Variants in ERLIN2 observed in about 807,000 individuals in gnomAD.
ERLIN2 encodes ER lipid raft associated 2.
In ERLIN2, 22 loss-of-function variants were observed where a neutral mutation model predicts 41.5. The ratio of observed to expected loss-of-function variants is 0.53; its 90% CI spans 0.38 to 0.76. The LOEUF (loss-of-function observed/expected upper bound fraction) is 0.76, where lower values mean the gene tolerates loss of function less well. ERLIN2 is among the 30% of genes least tolerant of loss of function. The pLI is 0.00. For missense variants in ERLIN2, 247 were observed against 414.3 expected (o/e 0.60, Z 3.51); for synonymous variants, 149 against 150.9 (o/e 0.99, Z 0.09).
Position 37,743,860 on chromosome 8 carries a change from T to C in ERLIN2, c.237-495T>C, listed in dbSNP as rs1485561672. ...TCAGTGTTGAATTCAGGTATCTGGATATGGATGTTAGTTATACTACTCTTT... is the reference window on the plus strand; with the variant it reads ...TCAGTGTTGAATTCAGGTATCTGGACATGGATGTTAGTTATACTACTCTTT... On this transcript the variant is annotated intron_variant, in intron 4 of 11. Coordinates refer to ENST00000519638, the MANE Select transcript of ERLIN2 (RefSeq NM_007175.8). 2.6e-5 allele frequency among the ~76,000 whole-genome samples: 4 copies of C among 152,172 alleles called. 1 individual carries two copies.
chr8:37,740,079 G>A (rs529212156), intron 2 of ERLIN2, among the ~76,000 whole-genome samples: 90 of 152,192 alleles, frequency 5.9e-4, no homozygotes, highest in Admixed American at 3.9e-3. Context: ...CCCGCAAAGC[G>A]CTGGGACTGC....
At chr8:37,746,628 G>GT (rs1164479025) in intron 6 of ERLIN2, 56 of 684,530 alleles carry the variant, frequency 8.2e-5, no homozygotes, top group Non-Finnish European at 9.7e-5. Flanking sequence ...AGCAATACTA[G>GT]CTGCCCGACT....
Position 37,741,818 on chromosome 8 carries a change from G to C in ERLIN2, c.236G>C (p.Ser79Thr). 6.2e-7 allele frequency: 1 copy of C among 1,611,554 alleles called. No individual in the cohort carries two copies. The highest frequency in any genetic ancestry group is 1.7e-5 in the Admixed American group (1 of 60,028). ...DEVKNVPCGT[S>T]GGVMIYFDRI... The stretch of plus-strand genomic sequence containing the variant: ...GTGAAGAATGTACCTTGTGGGACTA[G>C]GTAAGGTACCCAGAATAAAGCTTTT... The change falls in exon 4 of 12, where the codon AGT (serine) becomes ACT (threonine). Residue 79 changes from serine (S) to threonine (T), a missense_variant and splice_region_variant. By Grantham distance (58) the Ser-to-Thr change is moderately conservative. Transcript: ENST00000519638. The surrounding 1 kb of genome is among the most constrained non-coding windows in gnomAD (Gnocchi z 4.8).
intron 6 of ERLIN2, 84 bp from the exon 7 acceptor site, chr8:37,749,475 T>G: frequency 1.1e-6 from 1 of 910,440 alleles, no homozygotes; most frequent in Non-Finnish European, 1.8e-6. Flanking sequence ...GAGCTGGTGA[T>G]TGAGCTTGCA....
chr8:37,751,871 A>G (rs1803225793), intron 10 of ERLIN2, among the ~76,000 whole-genome samples, 156 bp downstream of exon 10: 1 of 152,164 alleles, frequency 6.6e-6, no homozygotes, highest in Non-Finnish European at 1.5e-5. Context: ...TTGAGTTTTG[A>G]GGCTATTGTG....
chr8:37,753,214 TC>T (rs1179840473), intron 10 of ERLIN2, among the ~76,000 whole-genome samples: 1 of 152,236 alleles, frequency 6.6e-6, no homozygotes, highest in Non-Finnish European at 1.5e-5. Flanking sequence ...GCTGTCCTTG[TC>T]ATAGGGAGAT....
chr8:37,744,469 C>T, intron 5 of ERLIN2, 53 bp downstream of exon 5: 1 of 1,608,302 alleles, frequency 6.2e-7, no homozygotes, highest in South Asian at 1.1e-5. Context: ...CAGCATGCCA[C>T]TCCCGTGTCT....
At chr8:37,743,095 C>T (rs900672065) in intron 4 of ERLIN2, among the ~76,000 whole-genome samples, 23 of 152,154 alleles carry the variant, frequency 1.5e-4, no homozygotes, top group Admixed American at 1.4e-3. Context: ...CCCACAAGAT[C>T]GCAGGCCTGA....
chr8:37,757,473 T>G lies in ERLIN2; in HGVS notation c.*3358T>G, dbSNP rs1271638094. 1 of 152,222 alleles carries G rather than the reference T, an allele frequency of 6.6e-6. No individual in the cohort carries two copies. Among genetic ancestry groups the G allele is most frequent in the Admixed American group, 6.5e-5 (1 of 15,284 alleles). The allele number at this position is 152,222 out of a possible 1,614,324, so 9.4% of individuals were successfully genotyped here. A position where few individuals can be genotyped will look rare whatever the true frequency, so the allele number is the denominator to read the frequency against. On this transcript the variant is annotated 3_prime_UTR_variant, in exon 12 of 12. Transcript: ENST00000519638. ...TTAAGTAGGCAAACTACTTCTACTT[T>G]CAAAGAGCCCCAAGGGCTTAATGAC...
At chr8:37,753,565 T>C in intron 11 of ERLIN2, 36 bp downstream of exon 11, 1 of 1,590,994 alleles carries the variant, frequency 6.3e-7, no homozygotes, top group Non-Finnish European at 8.6e-7. Context: ...AAAGGAGTCT[T>C]TGGGTCTGGG....
intron 6 of ERLIN2, chr8:37,746,369 G>A: frequency 1.0e-6 from 1 of 985,156 alleles, no homozygotes; most frequent in Non-Finnish European, 1.2e-6. Flanking sequence ...ACCTCTTTGT[G>A]TGTACTTAGT....
rs775831501 is a variant in ERLIN2 at position 37,740,316 on chromosome 8, A to T, written c.108-49A>T. The T allele has an allele frequency of 4.6e-6, 6 of 1,310,706 alleles. No individual in the cohort carries two copies. In the Admixed American group the frequency reaches 1.0e-4, roughly 22 times the overall value. The allele number at this position is 1,310,706 out of a possible 1,614,324, so 81.2% of individuals were successfully genotyped here. On this transcript the variant is annotated intron_variant, in intron 2 of 11. Coordinates refer to ENST00000519638, the MANE Select transcript of ERLIN2 (RefSeq NM_007175.8). ...GACCCTCATGATATTGATCTAACAG[A>T]GCCTTCTTGCCAAACTGAAGCTGCC... is the stretch of plus-strand genomic sequence containing the variant.
chr8:37,742,200 G>C (rs1304580669), intron 4 of ERLIN2, among the ~76,000 whole-genome samples: 4 of 152,074 alleles, frequency 2.6e-5, no homozygotes, highest in Non-Finnish European at 2.9e-5. Flanking sequence ...AATTAGCTGG[G>C]TGTGGTGGTG....
chr8:37,743,028 A>G (rs1802909620), intron 4 of ERLIN2, among the ~76,000 whole-genome samples: 1 of 152,212 alleles, frequency 6.6e-6, no homozygotes, highest in Admixed American at 6.5e-5. Flanking sequence ...TTAAACTGGG[A>G]TAGAGTGACA....
At chr8:37,743,928 G>C (rs1585905856) in intron 4 of ERLIN2, among the ~76,000 whole-genome samples, 7 of 152,064 alleles carry the variant, frequency 4.6e-5, no homozygotes, top group Admixed American at 4.6e-4. Context: ...AAATATTTGA[G>C]GGCAAAGGGA....
rs1427483314 is a variant in ERLIN2 at position 37,754,159 on chromosome 8, A to C, written c.*44A>C. The C allele has an allele frequency of 7.4e-7, 1 of 1,357,016 alleles. No homozygotes were observed. Among genetic ancestry groups the C allele is most frequent in the South Asian group, 1.2e-5 (1 of 83,762 alleles). 84.1% of individuals were successfully genotyped at this position (1,357,016 alleles called of 1,614,324 possible). A position where few individuals can be genotyped will look rare whatever the true frequency, so the allele number is the denominator to read the frequency against. ...GCAAATGATACTTAAGCAGATCTTT[A>C]TTTTTTAAGATGAATCAGAATGTTC... On this transcript the variant is annotated 3_prime_UTR_variant, in exon 12 of 12. Coordinates refer to ENST00000519638, the MANE Select transcript of ERLIN2 (RefSeq NM_007175.8).
intron 2 of ERLIN2, among the ~76,000 whole-genome samples, chr8:37,739,979 T>C (rs1396141240): frequency 6.6e-6 from 1 of 152,028 alleles, no homozygotes; most frequent in African/African-American, 2.4e-5. Flanking sequence ...GCTAATTTTT[T>C]TCCTTTTCTT....
rs1221978012 is a variant in ERLIN2, at chr8:37,754,787, T to C, written c.*672T>C. 1 of 153,552 alleles carries C rather than the reference T, an allele frequency of 6.5e-6. No individual in the cohort carries two copies. The highest frequency in any genetic ancestry group is 6.5e-5 in the Admixed American group (1 of 15,474). 9.5% of individuals were successfully genotyped at this position (153,552 alleles called of 1,614,324 possible). A position where few individuals can be genotyped will look rare whatever the true frequency, so the allele number is the denominator to read the frequency against. The stretch of plus-strand genomic sequence containing the variant: ...CTACATTTCTAGAGTCAGAGCTTGA[T>C]CACCACAACTCAATTATTTCGGCAT... On this transcript the variant is annotated 3_prime_UTR_variant, in exon 12 of 12. Coordinates refer to ENST00000519638, the MANE Select transcript of ERLIN2 (RefSeq NM_007175.8).
intron 4 of ERLIN2, among the ~76,000 whole-genome samples, chr8:37,742,048 T>C (rs1012962213): frequency 1.3e-5 from 2 of 152,080 alleles, no homozygotes; most frequent in Non-Finnish European, 2.9e-5. Context: ...CTTACTCTAT[T>C]AGAAGTGAGG....
Sources: allele counts gnomAD v4.1 joint callset (sites outside exome capture counted in the v4.1 genomes callset), GRCh38; gene constraint gnomAD v4.1.1; non-coding constraint Gnocchi (gnomAD v3.1); transcripts MANE v1.5; gene names NCBI Gene and HGNC (gene_info 2026-07-23, HGNC 2026-07-21).